CSNK2A2IP: variants seen among roughly 807,000 people sequenced by gnomAD.
CSNK2A2IP encodes the protein casein kinase II subunit alpha'-interacting protein.
the CSNK2A2IP span, among the ~76,000 whole-genome samples, chr3:88,340,205 C>T: frequency 6.6e-6 from 1 of 151,744 alleles, no homozygotes; most frequent in African/African-American, 2.4e-5. Flanking sequence ...GGTGTATATT[C>T]TGAGTCTTAC....
the CSNK2A2IP span, among the ~76,000 whole-genome samples, chr3:88,392,032 C>G: frequency 6.6e-6 from 1 of 152,100 alleles, no homozygotes; most frequent in Non-Finnish European, 1.5e-5. Flanking sequence ...GAACCAAGAA[C>G]TTTAGGATGT....
At chr3:88,385,502 T>C in the CSNK2A2IP span, among the ~76,000 whole-genome samples, 2 of 126,808 alleles carry the variant, frequency 1.6e-5, no homozygotes, top group South Asian at 6.8e-4. Flanking sequence ...TAAACAACTA[T>C]GAAATAACTT....
chr3:88,381,093 A>G, the CSNK2A2IP span, among the ~76,000 whole-genome samples: 1 of 152,196 alleles, frequency 6.6e-6, no homozygotes, highest in African/African-American at 2.4e-5. Flanking sequence ...TGAAGCAGGG[A>G]AAAACCTCAG....
chr3:88,341,040 C>A, the CSNK2A2IP span, among the ~76,000 whole-genome samples: 10 of 151,846 alleles, frequency 6.6e-5, no homozygotes, highest in African/African-American at 2.4e-4. Context: ...CATATTTTTT[C>A]CACGTTTCAA....
the CSNK2A2IP span, among the ~76,000 whole-genome samples, chr3:88,451,596 AT>A: frequency 4.0e-5 from 6 of 151,706 alleles, no homozygotes; most frequent in Non-Finnish European, 5.9e-5. Flanking sequence ...ACATTTATAA[AT>A]TTTTTTCACC....
the CSNK2A2IP span, among the ~76,000 whole-genome samples, chr3:88,436,153 A>G: frequency 6.6e-6 from 1 of 152,222 alleles, no homozygotes; most frequent in African/African-American, 2.4e-5. Flanking sequence ...TAACAAGGTG[A>G]AATACATTAT....
chr3:88,347,153 G>A, the CSNK2A2IP span, among the ~76,000 whole-genome samples: 10 of 151,990 alleles, frequency 6.6e-5, no homozygotes, highest in Admixed American at 6.6e-5. Flanking sequence ...AACTTGAATG[G>A]GTGAGGAGTT....
At chr3:88,384,923 T>C in the CSNK2A2IP span, among the ~76,000 whole-genome samples, 1 of 152,010 alleles carries the variant, frequency 6.6e-6, no homozygotes, top group Non-Finnish European at 1.5e-5. Flanking sequence ...TGACAAAGAT[T>C]GGGGAGACAT....
the CSNK2A2IP span, among the ~76,000 whole-genome samples, chr3:88,406,372 G>T: frequency 2.2e-3 from 338 of 152,266 alleles, 4 homozygotes; most frequent in South Asian, 0.013. Flanking sequence ...ATATTTTTAG[G>T]CATGGGCTAC....
At chr3:88,353,519 G>T in the CSNK2A2IP span, among the ~76,000 whole-genome samples, 2 of 152,142 alleles carry the variant, frequency 1.3e-5, no homozygotes, top group Admixed American at 6.6e-5. Flanking sequence ...CTGAGTCTCT[G>T]AGCAACCGCA....
the CSNK2A2IP span, among the ~76,000 whole-genome samples, chr3:88,437,486 T>A: frequency 5.1e-4 from 77 of 152,358 alleles, no homozygotes; most frequent in African/African-American, 1.7e-3. Flanking sequence ...ACCTTTATTA[T>A]GATTATAGAC....
chr3:88,466,494 C>A, the CSNK2A2IP span: 3 of 1,231,908 alleles, frequency 2.4e-6, no homozygotes, highest in Non-Finnish European at 3.0e-6. Context: ...CCAAACACTG[C>A]ACCAGGAACA....
At chr3:88,420,519 G>C in the CSNK2A2IP span, among the ~76,000 whole-genome samples, 9 of 152,000 alleles carry the variant, frequency 5.9e-5, no homozygotes, top group African/African-American at 2.2e-4. Flanking sequence ...ATTATAATAT[G>C]TATAATAAGC....
chr3:88,438,314 C>A, the CSNK2A2IP span, among the ~76,000 whole-genome samples: 7 of 152,184 alleles, frequency 4.6e-5, no homozygotes, highest in African/African-American at 1.7e-4. Context: ...AACTGTAGGA[C>A]GCTGGAAGGG....
the CSNK2A2IP span, among the ~76,000 whole-genome samples, chr3:88,427,168 T>A: frequency 2.0e-5 from 3 of 151,860 alleles, no homozygotes; most frequent in Non-Finnish European, 4.4e-5. Flanking sequence ...CAGATGGAGA[T>A]GAAGAACTTG....
the CSNK2A2IP span, among the ~76,000 whole-genome samples, chr3:88,452,535 G>A: frequency 6.6e-6 from 1 of 152,186 alleles, no homozygotes; most frequent in Non-Finnish European, 1.5e-5. Flanking sequence ...TTGGCTTCTG[G>A]ATGGATTCCT....
At chr3:88,369,719 G>A in the CSNK2A2IP span, among the ~76,000 whole-genome samples, 1 of 151,944 alleles carries the variant, frequency 6.6e-6, no homozygotes. Context: ...TGCTTCTGGT[G>A]AGATACTGGA....
chr3:88,466,981 C>T, the CSNK2A2IP span: 1 of 1,230,086 alleles, frequency 8.1e-7, no homozygotes, highest in Non-Finnish European at 1.0e-6. Flanking sequence ...AGAAAACCAG[C>T]CTAATGAAGT....
At chr3:88,365,010 A>G in the CSNK2A2IP span, among the ~76,000 whole-genome samples, 2 of 152,118 alleles carry the variant, frequency 1.3e-5, no homozygotes, top group Admixed American at 1.3e-4. Flanking sequence ...TATAATTCCA[A>G]TTTCTTTAGA....
Sources: gnomAD v4.1 joint callset for allele counts (sites outside exome capture counted in the v4.1 genomes callset) on GRCh38, gnomAD v4.1.1 for gene constraint, MANE v1.5 for transcripts, NCBI Gene and HGNC (gene_info 2026-07-23, HGNC 2026-07-21) for gene names.